NEDD4L: variants seen among roughly 807,000 people sequenced by gnomAD.
NEDD4L encodes the protein E3 ubiquitin-protein ligase NEDD4-like.
NEDD4L carries 54 observed loss-of-function variants against 148.9 expected under a neutral mutation model. The observed-to-expected ratio is 0.36, with a 90% confidence interval of 0.29 to 0.45. NEDD4L has a LOEUF of 0.45. Among genes scored for constraint, NEDD4L ranks in the 20% least tolerant of loss-of-function variants. The probability of loss-of-function intolerance (pLI) is 1.00; values close to 1 mark genes in which losing one functional copy is unlikely to be tolerated. For synonymous variants in NEDD4L, 433 were observed against 440.7 expected (o/e 0.98, Z 0.22); for missense variants, 856 against 1,233.8 (o/e 0.69, Z 4.59).
At chr18:58,082,591 G>A (rs2083523167) in intron 1 of NEDD4L, among the ~76,000 whole-genome samples, 1 of 150,516 alleles carries the variant, frequency 6.6e-6, no homozygotes, top group Admixed American at 6.6e-5. Flanking sequence ...GGCCAACATG[G>A]TGAAACCCCG....
intron 22 of NEDD4L, 117 bp from the exon 23 acceptor site, chr18:58,370,280 G>C: frequency 2.9e-6 from 2 of 697,098 alleles, no homozygotes; most frequent in Non-Finnish European, 2.6e-6. Context: ...GAAGGCCCTT[G>C]GTTACTCCTT....
At chr18:58,380,697 A>G (rs1429614894) in intron 24 of NEDD4L, among the ~76,000 whole-genome samples, 3 of 151,852 alleles carry the variant, frequency 2.0e-5, no homozygotes, top group Non-Finnish European at 2.9e-5. Context: ...TACATTAGGT[A>G]TTTTTCTTAA....
At chr18:58,261,510 G>A (rs545960767) in intron 5 of NEDD4L, among the ~76,000 whole-genome samples, 1 of 152,262 alleles carries the variant, frequency 6.6e-6, no homozygotes, top group East Asian at 1.9e-4. Context: ...TTCATAAATG[G>A]TGCAGCTGCT....
chr18:58,316,115 A>AT (rs2058232295), intron 6 of NEDD4L, 83 bp downstream of exon 6: 4 of 1,123,050 alleles, frequency 3.6e-6, no homozygotes, highest in Non-Finnish European at 5.4e-6. Context: ...TCAGAGTGGC[A>AT]TTTCTTCACC....
chr18:58,343,187 T>C, intron 16 of NEDD4L, 84 bp downstream of exon 16: 1 of 1,265,586 alleles, frequency 7.9e-7, no homozygotes, highest in Non-Finnish European at 1.1e-6. Context: ...TTGTAGTTCT[T>C]GCAGAGGAAT....
chr18:58,056,395 G>A (rs1317868938), intron 1 of NEDD4L, among the ~76,000 whole-genome samples: 1 of 152,174 alleles, frequency 6.6e-6, no homozygotes, highest in Non-Finnish European at 1.5e-5. Flanking sequence ...ATGGGAACTA[G>A]TTATGTTGTT....
chr18:58,264,958 A>G (rs548946949), intron 5 of NEDD4L, among the ~76,000 whole-genome samples: 1 of 152,200 alleles, frequency 6.6e-6, no homozygotes, highest in South Asian at 2.1e-4. Flanking sequence ...CTTGGTTTAT[A>G]GAGCTTTCAG....
At chr18:58,124,147 T>C (rs2145858627) in intron 1 of NEDD4L, among the ~76,000 whole-genome samples, 1 of 152,236 alleles carries the variant, frequency 6.6e-6, no homozygotes, top group East Asian at 1.9e-4. Context: ...AGTAACTGTG[T>C]CCATTCCTTC....
intron 2 of NEDD4L, among the ~76,000 whole-genome samples, chr18:58,234,141 CT>C: frequency 7.2e-6 from 1 of 138,362 alleles, no homozygotes; most frequent in Non-Finnish European, 1.5e-5. Context: ...TTCTTTCTTT[CT>C]CTCTCTCTTT....
chr18:58,249,278 G>A (rs1252628421), intron 4 of NEDD4L, among the ~76,000 whole-genome samples: 5 of 152,150 alleles, frequency 3.3e-5, no homozygotes, highest in Non-Finnish European at 5.9e-5. Flanking sequence ...ATATTTTAGA[G>A]AGAGTAAAAC....
intron 19 of NEDD4L, among the ~76,000 whole-genome samples, chr18:58,358,859 G>A (rs2045082684): frequency 1.3e-5 from 2 of 151,930 alleles, no homozygotes; most frequent in African/African-American, 4.8e-5. Context: ...GAGTATGGGA[G>A]GGTTGTGCCT....
At chr18:58,149,201 C>T in intron 1 of NEDD4L, 1 of 234,328 alleles carries the variant, frequency 4.3e-6, no homozygotes, top group Non-Finnish European at 8.4e-6. Flanking sequence ...TCTTATGTGG[C>T]GTTATCTGGG....
chr18:58,394,924 T>G (rs1472947542), intron 30 of NEDD4L, among the ~76,000 whole-genome samples: 2 of 152,190 alleles, frequency 1.3e-5, no homozygotes, highest in African/African-American at 4.8e-5. Context: ...TTAAACACAG[T>G]TTGAGCACTC....
At chr18:58,308,860 G>A (rs2149335645) in intron 5 of NEDD4L, among the ~76,000 whole-genome samples, 1 of 152,332 alleles carries the variant, frequency 6.6e-6, no homozygotes, top group African/African-American at 2.4e-5. Flanking sequence ...GGCATTACCT[G>A]ATGCCCTCAT....
chr18:58,349,498 TC>T (rs888787033), intron 16 of NEDD4L, 38 bp from the exon 17 acceptor site: 8 of 1,530,802 alleles, frequency 5.2e-6, no homozygotes, highest in Non-Finnish European at 7.2e-6. Context: ...CACAGATACT[TC>T]CACTTAGCAT....
At chr18:58,239,868 G>A (rs2148323166) in intron 2 of NEDD4L, among the ~76,000 whole-genome samples, 1 of 152,316 alleles carries the variant, frequency 6.6e-6, no homozygotes, top group Middle Eastern at 3.4e-3. Flanking sequence ...CTCTCTATTA[G>A]AACTGGAGCA....
At chr18:58,154,523 C>T (rs2035210242) in intron 1 of NEDD4L, among the ~76,000 whole-genome samples, 1 of 152,204 alleles carries the variant, frequency 6.6e-6, no homozygotes, top group Non-Finnish European at 1.5e-5. Flanking sequence ...TGATGGCTCA[C>T]ACCCACACTC....
chr18:58,196,187 T>G (rs2040666473), intron 2 of NEDD4L, among the ~76,000 whole-genome samples: 2 of 152,352 alleles, frequency 1.3e-5, no homozygotes, highest in South Asian at 4.1e-4. Context: ...GGACAGATCT[T>G]TTATTTAAAA....
At chr18:58,289,186 T>C (rs927195160) in intron 5 of NEDD4L, among the ~76,000 whole-genome samples, 1 of 152,248 alleles carries the variant, frequency 6.6e-6, no homozygotes, top group African/African-American at 2.4e-5. Context: ...CTAAGTTTAC[T>C]GTATACGCTG....
Sources: allele counts gnomAD v4.1 joint callset (sites outside exome capture counted in the v4.1 genomes callset), GRCh38; gene constraint gnomAD v4.1.1; transcripts MANE v1.5; gene names NCBI Gene and HGNC (gene_info 2026-07-23, HGNC 2026-07-21).